Variants in TRMO observed in about 807,000 individuals in gnomAD.
TRMO encodes the protein tRNA methyltransferase O.
Under a neutral mutation model 37.2 loss-of-function variants are expected in TRMO, and 30 were observed. The observed-to-expected ratio is 0.81, with a 90% CI of 0.60 to 1.09. The LOEUF is 1.09. Ranked by LOEUF, TRMO falls within the 50% of genes least tolerant of loss-of-function variation. The pLI is 0.00. For synonymous variants in TRMO, 239 were observed against 199.4 expected (o/e 1.20, Z -1.67); for missense variants, 552 against 549.5 (o/e 1.00, Z -0.05).
At chr9:97,908,289 G>A (rs1228989862) in intron 4 of TRMO, among the ~76,000 whole-genome samples, 1 of 151,950 alleles carries the variant, frequency 6.6e-6, no homozygotes, top group East Asian at 1.9e-4. Flanking sequence ...GCGGGCGCCT[G>A]TAGTCCCAGC....
At chr9:97,904,264 G>C (rs1825762447), downstream of TRMO, among the ~76,000 whole-genome samples, 1 of 152,068 alleles carries the variant, frequency 6.6e-6, no homozygotes, top group Non-Finnish European at 1.5e-5. Flanking sequence ...AAACACATAA[G>C]TTTAATCTCA....
intron 1 of TRMO, 26 bp downstream of exon 1, chr9:97,922,392 G>A (rs1431773762): frequency 2.7e-6 from 4 of 1,484,764 alleles, no homozygotes; most frequent in Non-Finnish European, 3.7e-6. Flanking sequence ...TCTCCAGAGT[G>A]TGGCACCGCC....
At chr9:97,898,896 G>T in the TRMO span, among the ~76,000 whole-genome samples, 1 of 140,344 alleles carries the variant, frequency 7.1e-6, no homozygotes, top group Non-Finnish European at 1.5e-5. Flanking sequence ...CTGGAGTGCA[G>T]TGGTGCCATC....
chr9:97,910,192 C>A lies in TRMO; in HGVS notation c.834G>T (p.Lys278Asn). The stretch of plus-strand genomic sequence containing the variant: ...TGTCTGTACCTTTCTCTGAAAAGCT[C>A]TTCTCTGGGCAATATGGGCCAATTT... ...EEQIGPYCPE[K>N]SFSEKGTDKK... The change falls in exon 4 of 5, where the codon AAG becomes AAT. Residue 278 changes from lysine (K) to asparagine (N), a missense_variant. Coordinates refer to ENST00000375119, the MANE Select transcript of TRMO (RefSeq NM_016481.5). 1.9e-6 allele frequency: 3 copies of A among 1,614,186 alleles called. No individual in the cohort carries two copies. The highest frequency in any genetic ancestry group is 2.5e-6 in the Non-Finnish European group (3 of 1,180,042).
intron 1 of TRMO, among the ~76,000 whole-genome samples, chr9:97,921,789 A>T (rs908506758): frequency 1.3e-5 from 2 of 152,160 alleles, no homozygotes; most frequent in Non-Finnish European, 2.9e-5. Context: ...TAACGTTACT[A>T]AACAGGTCGT....
downstream of TRMO, among the ~76,000 whole-genome samples, chr9:97,901,579 T>C (rs753067845): frequency 1.5e-4 from 23 of 152,146 alleles, no homozygotes; most frequent in Non-Finnish European, 2.9e-4. Flanking sequence ...TGCGTGTGTG[T>C]ACATGCACGC....
chr9:97,899,824 C>G (rs944145336), downstream of TRMO, among the ~76,000 whole-genome samples: 1 of 151,944 alleles, frequency 6.6e-6, no homozygotes, highest in Admixed American at 6.6e-5. Flanking sequence ...AGCCCAGGGG[C>G]AGAAGTTGTA....
Position 97,910,387 on chromosome 9 carries a change from A to G in TRMO, c.639T>C (p.His213=), listed in dbSNP as rs1826061836. Residue 213 remains histidine, a synonymous_variant, in exon 4 of 5, where the codon CAT becomes CAC. Coordinates refer to ENST00000375119, the MANE Select transcript of TRMO (RefSeq NM_016481.5). The part of the protein sequence containing the change: ...LSGCDEPQPH[H]STKRKPKCPE... Reference sequence around the variant, plus strand: ...GACATTTAGGTTTCCTCTTAGTGCTATGGTGGGGTTGTGGCTCATCACACC... The same window carrying G: ...GACATTTAGGTTTCCTCTTAGTGCTGTGGTGGGGTTGTGGCTCATCACACC... 1 of 1,614,114 alleles carries G rather than the reference A, an allele frequency of 6.2e-7. No homozygotes were observed. The highest frequency in any genetic ancestry group is 1.1e-5 in the South Asian group (1 of 91,080).
chr9:97,903,990 G>A (rs982388274), downstream of TRMO, among the ~76,000 whole-genome samples: 11 of 152,172 alleles, frequency 7.2e-5, no homozygotes, highest in Admixed American at 2.6e-4. Context: ...GCTGAGGCAG[G>A]AGAATTGCTC....
chr9:97,904,593 A>C lies in TRMO; in HGVS notation c.*140T>G. ...TATTAATGTATACGTTTTTCAAATAAACATTTTGAACAGCCCAAATCAATC... is the reference window on the plus strand; with the variant it reads ...TATTAATGTATACGTTTTTCAAATACACATTTTGAACAGCCCAAATCAATC... On this transcript the variant is annotated 3_prime_UTR_variant, in exon 5 of 5. Coordinates refer to ENST00000375119, the MANE Select transcript of TRMO (RefSeq NM_016481.5). The C allele has an allele frequency of 6.7e-7, 1 of 1,492,352 alleles. No homozygotes were observed. The highest frequency in any genetic ancestry group is 1.4e-5 in the South Asian group (1 of 70,822). The allele number at this position is 1,492,352 out of a possible 1,614,324, so 92.4% of individuals were successfully genotyped here.
chr9:97,904,709 C>T lies in TRMO; in HGVS notation c.*24G>A, dbSNP rs1338869923. ...CCACATCCAAAGATCAATGATGCTA[C>T]CTTAAAGACATGAGGGAGGCTCCTT... On this transcript the variant is annotated 3_prime_UTR_variant, in exon 5 of 5. Transcript: ENST00000375119. 1.2e-6 allele frequency: 2 copies of T among 1,611,490 alleles called. No individual in the cohort carries two copies. Among genetic ancestry groups the T allele is most frequent in the African/African-American group, 1.3e-5 (1 of 74,744 alleles).
downstream of TRMO, among the ~76,000 whole-genome samples, chr9:97,901,985 T>C (rs1463496557): frequency 2.0e-5 from 3 of 152,176 alleles, no homozygotes; most frequent in Non-Finnish European, 2.9e-5. Context: ...CTTGAGATCA[T>C]GTTATGAGAA....
At chr9:97,914,701 C>G (rs1826274840) in intron 2 of TRMO, among the ~76,000 whole-genome samples, 2 of 152,030 alleles carry the variant, frequency 1.3e-5, no homozygotes, top group Admixed American at 1.3e-4. Flanking sequence ...AAAGGTAAAT[C>G]TACTGTCGTG....
At chr9:97,917,073 G>A (rs888116683) in intron 1 of TRMO, among the ~76,000 whole-genome samples, 1 of 152,106 alleles carries the variant, frequency 6.6e-6, no homozygotes, top group African/African-American at 2.4e-5. Context: ...TTATAGGCGT[G>A]AGCCATAGTG....
downstream of TRMO, among the ~76,000 whole-genome samples, chr9:97,899,577 A>T (rs369745074): frequency 9.9e-5 from 15 of 152,052 alleles, 1 homozygote; most frequent in East Asian, 1.2e-3. Context: ...CCCAGCCTAA[A>T]AAAATATTTC....
chr9:97,917,371 G>A (rs998107215), intron 1 of TRMO, among the ~76,000 whole-genome samples: 3 of 152,172 alleles, frequency 2.0e-5, no homozygotes, highest in Non-Finnish European at 4.4e-5. Context: ...GCTTGGTCCA[G>A]TAGCCTACTG....
chr9:97,897,101 ATAT>A, the TRMO span, among the ~76,000 whole-genome samples: 2 of 152,240 alleles, frequency 1.3e-5, no homozygotes, highest in Non-Finnish European at 2.9e-5. Flanking sequence ...TATGAATGGG[ATAT>A]TATAATACAT....
At chr9:97,918,172 G>C (rs1452506329) in intron 1 of TRMO, among the ~76,000 whole-genome samples, 1 of 151,072 alleles carries the variant, frequency 6.6e-6, no homozygotes, top group African/African-American at 2.4e-5. Context: ...CCTGAGGTCA[G>C]GAGTTCGAGA....
At position 97,913,530 on chromosome 9, in the gene TRMO, G is replaced by A. The variant is rs773106000; in HGVS notation, c.280C>T (p.His94Tyr). 3 of 1,610,684 alleles carry A rather than the reference G, an allele frequency of 1.9e-6. No homozygotes were observed. The highest frequency in any genetic ancestry group is 4.5e-5 in the East Asian group (2 of 44,858). Residue 94 changes from histidine (H) to tyrosine (Y), a missense_variant, in exon 3 of 5, where the codon CAT (histidine) becomes TAT (tyrosine). By Grantham distance (83) the His-to-Tyr change is moderately conservative. Coordinates refer to ENST00000375119, the MANE Select transcript of TRMO (RefSeq NM_016481.5). ...WILFVFHKNGHLSCKAKVQPP... is the reference protein window; with the variant it reads ...WILFVFHKNGYLSCKAKVQPP... ...TGCACTTTTGCCTTACAGCTCAAAT[G>A]ACCATTTTTGTGAAAAACAAACAAA...
Sources: allele counts gnomAD v4.1 joint callset (sites outside exome capture counted in the v4.1 genomes callset), GRCh38; gene constraint gnomAD v4.1.1; transcripts MANE v1.5; gene names NCBI Gene and HGNC (gene_info 2026-07-23, HGNC 2026-07-21).